Variants in COL28A1 observed in about 807,000 individuals in gnomAD.
COL28A1 encodes the protein collagen type XXVIII alpha 1 chain.
In COL28A1, 161 loss-of-function variants were observed where a neutral mutation model predicts 150.2. The observed-to-expected ratio is 1.07, with a 90% CI of 0.94 to 1.22. The LOEUF (loss-of-function observed/expected upper bound fraction) is 1.22, where lower values mean the gene tolerates loss of function less well. COL28A1 is among the 50% of genes most tolerant of loss of function. The pLI, the probability that COL28A1 is intolerant of heterozygous loss-of-function variation, is 0.00. For synonymous variants in COL28A1, 552 were observed against 469.7 expected (o/e 1.18, Z -2.26); for missense variants, 1,617 against 1,388.3 (o/e 1.16, Z -2.62).
At chr7:7,414,500 C>A (rs1227693046) in intron 27 of COL28A1, among the ~76,000 whole-genome samples, 2 of 152,226 alleles carry the variant, frequency 1.3e-5, no homozygotes, top group African/African-American at 4.8e-5. Flanking sequence ...AGGAGGCTGC[C>A]ATGGTACTAA....
intron 3 of COL28A1, among the ~76,000 whole-genome samples, chr7:7,526,204 C>T (rs990555646): frequency 7.9e-5 from 12 of 152,230 alleles, no homozygotes; most frequent in African/African-American, 2.9e-4. Flanking sequence ...CCTTTCTAGA[C>T]ATACCACAGG....
At chr7:7,471,124 T>TAAAAA (rs1169532495) in intron 15 of COL28A1, among the ~76,000 whole-genome samples, 4 of 76,000 alleles carry the variant, frequency 5.3e-5, no homozygotes, top group Non-Finnish European at 1.0e-4. Context: ...AAAAAAATAA[T>TAAAAA]TAAAAAAAAA....
intron 25 of COL28A1, 137 bp downstream of exon 25, chr7:7,432,336 G>C (rs1785030026): frequency 1.5e-6 from 1 of 670,580 alleles, no homozygotes; most frequent in Non-Finnish European, 2.6e-6. Context: ...GAAGTCTATA[G>C]ATAAGGGCAA....
At position 7,452,504 on chromosome 7, in the gene COL28A1, A is replaced by C. The variant is rs555391999; in HGVS notation, c.1441-117T>G. 11 of 1,386,778 alleles carry C rather than the reference A, an allele frequency of 7.9e-6. No homozygotes were observed. In the South Asian group the frequency reaches 1.8e-4, roughly 23 times the overall value. The allele number at this position is 1,386,778 out of a possible 1,614,324, so 85.9% of individuals were successfully genotyped here. On this transcript the variant is annotated intron_variant, in intron 17 of 34. Coordinates refer to ENST00000399429, the MANE Select transcript of COL28A1 (RefSeq NM_001037763.3). ...AAACAGTTTCATGTGCTCAATTCAT[A>C]TATATTGCCTGAAATCCCTTCGGGG...
At chr7:7,392,755 CTTGA>C (rs1249708944) in intron 27 of COL28A1, among the ~76,000 whole-genome samples, 1 of 152,146 alleles carries the variant, frequency 6.6e-6, no homozygotes, top group African/African-American at 2.4e-5. Context: ...CTTTCTTCCA[CTTGA>C]TTGATTTGGC....
intron 27 of COL28A1, among the ~76,000 whole-genome samples, chr7:7,395,738 T>A (rs1782798866): frequency 6.6e-6 from 1 of 152,224 alleles, no homozygotes; most frequent in Admixed American, 6.5e-5. Context: ...TATCAAAAGT[T>A]TAAACCCATC....
chr7:7,370,673 C>G, intron 33 of COL28A1, 52 bp downstream of exon 33: 34 of 1,465,718 alleles, frequency 2.3e-5, no homozygotes, highest in Non-Finnish European at 3.1e-5. Flanking sequence ...TGATATGAAA[C>G]AGAGAGAATA....
chr7:7,432,963 A>G (rs1785086428), intron 23 of COL28A1, among the ~76,000 whole-genome samples: 1 of 4,270 alleles, frequency 2.3e-4, no homozygotes, highest in Non-Finnish European at 3.2e-4. Context: ...AGTGTGGGAT[A>G]ACTAGTTTCC....
intron 33 of COL28A1, among the ~76,000 whole-genome samples, chr7:7,366,589 C>T (rs922943674): frequency 5.9e-5 from 9 of 152,024 alleles, no homozygotes; most frequent in South Asian, 2.1e-4. Context: ...TTAGTTGTTA[C>T]GCAGGGTTTT....
chr7:7,482,741 A>G (rs978508011), intron 13 of COL28A1, among the ~76,000 whole-genome samples: 7 of 152,170 alleles, frequency 4.6e-5, no homozygotes, highest in African/African-American at 1.7e-4. Context: ...AACAGTTAGA[A>G]AGACAGGTAA....
At chr7:7,447,188 C>T (rs975374364) in intron 18 of COL28A1, among the ~76,000 whole-genome samples, 48 of 152,156 alleles carry the variant, frequency 3.2e-4, no homozygotes, top group African/African-American at 1.2e-3. Context: ...ATGGGTCAAT[C>T]TGTTTTCAAG....
chr7:7,374,584 C>T (rs1363310277), intron 31 of COL28A1, among the ~76,000 whole-genome samples: 2 of 152,142 alleles, frequency 1.3e-5, no homozygotes, highest in Non-Finnish European at 2.9e-5. Flanking sequence ...CCACTTAAAG[C>T]AGTTGCCAGA....
At chr7:7,338,713 T>C in the COL28A1 span, among the ~76,000 whole-genome samples, 1 of 152,084 alleles carries the variant, frequency 6.6e-6, no homozygotes, top group Non-Finnish European at 1.5e-5. Context: ...GCTAGGACTT[T>C]CCTTATTCTT....
chr7:7,392,771 A>G (rs151100853), intron 27 of COL28A1, among the ~76,000 whole-genome samples: 2,790 of 152,120 alleles, frequency 0.018, 99 homozygotes, highest in African/African-American at 0.064. Context: ...TGATTTGGCT[A>G]TTGATACTTG....
rs116079689 is a variant in COL28A1, at chr7:7,370,284, T to C, written c.3066+441A>G. 1.4e-3 allele frequency among the ~76,000 whole-genome samples: 208 copies of C among 151,634 alleles called. 2 individuals are homozygous for C. Among genetic ancestry groups the C allele is most frequent in the African/African-American group, 4.8e-3 (198 of 41,320 alleles). On this transcript the variant is annotated intron_variant, in intron 33 of 34. Transcript: ENST00000399429. ...ACACATGGCTTGGAGTGTGGGAGAG[T>C]GGCCAGTTGGGCATATGCGTATTTA...
At chr7:7,415,923 C>T (rs1294103904) in intron 27 of COL28A1, among the ~76,000 whole-genome samples, 1 of 152,178 alleles carries the variant, frequency 6.6e-6, no homozygotes, top group East Asian at 1.9e-4. Flanking sequence ...ATGCCTCAGC[C>T]TCCTGAGTAG....
At chr7:7,530,764 G>C (rs1043671174) in intron 3 of COL28A1, among the ~76,000 whole-genome samples, 1 of 152,136 alleles carries the variant, frequency 6.6e-6, no homozygotes, top group Non-Finnish European at 1.5e-5. Context: ...TTGACTGCAG[G>C]TTGCAGATGA....
intron 6 of COL28A1, among the ~76,000 whole-genome samples, chr7:7,519,170 G>A (rs552788203): frequency 1.8e-4 from 28 of 152,172 alleles, no homozygotes; most frequent in Non-Finnish European, 3.8e-4. Context: ...ATGGAGGAAG[G>A]TGAAGCAGGA....
chr7:7,360,131 T>C (rs947584190), intron 34 of COL28A1, among the ~76,000 whole-genome samples: 1 of 152,174 alleles, frequency 6.6e-6, no homozygotes, highest in Admixed American at 6.6e-5. Context: ...GGCATTCAAA[T>C]TAAAATAATA....
Sources: allele counts gnomAD v4.1 joint callset (sites outside exome capture counted in the v4.1 genomes callset), GRCh38; gene constraint gnomAD v4.1.1; transcripts MANE v1.5; gene names NCBI Gene and HGNC (gene_info 2026-07-23, HGNC 2026-07-21).